SCARB2: variants seen among roughly 807,000 people sequenced by gnomAD.
SCARB2 encodes the protein scavenger receptor class B member 2, also known as lysosome membrane protein 2.
A neutral mutation model predicts 58.6 loss-of-function variants in SCARB2; 29 were observed. That is an observed-to-expected ratio of 0.49 (90% CI 0.37 to 0.67). SCARB2 has a LOEUF of 0.67. SCARB2 is among the 30% of genes least tolerant of loss of function. The probability of loss-of-function intolerance (pLI) is 0.00; values close to 1 mark genes in which losing one functional copy is unlikely to be tolerated. For missense variants in SCARB2, 488 were observed against 578.5 expected (o/e 0.84, Z 1.60); for synonymous variants, 195 against 210.1 (o/e 0.93, Z 0.62).
At chr4:76,196,677 G>A (rs1278592163) in intron 1 of SCARB2, among the ~76,000 whole-genome samples, 1 of 152,140 alleles carries the variant, frequency 6.6e-6, no homozygotes, top group African/African-American at 2.4e-5. Flanking sequence ...GGCTTTAAAT[G>A]TATTTTCTTA....
In SCARB2 at chr4:76,159,309, T is replaced by G. The variant is rs1314310724; in HGVS notation, c.*2404A>C. The G allele has an allele frequency of 6.6e-6, 1 of 152,242 alleles. No homozygotes were observed. Among genetic ancestry groups the G allele is most frequent in the Non-Finnish European group, 1.5e-5 (1 of 68,046 alleles). The allele number at this position is 152,242 out of a possible 1,614,324, so 9.4% of individuals were successfully genotyped here. ...GCATGAGAAATAATTCATCTTCAAC[T>G]TAAAGCCAAATAGGTGCATTCATTC... On this transcript the variant is annotated 3_prime_UTR_variant, in exon 12 of 12. Transcript: ENST00000264896.
At chr4:76,234,446 A>G (rs975517920) in exon 1 of SCARB2, 3 of 152,222 alleles carry the variant, frequency 2.0e-5, no homozygotes, top group Admixed American at 1.3e-4. Flanking sequence ...TACTGGGTGA[A>G]AAGGAAGAAA....
chr4:76,187,805 A>G (rs1486387582), intron 2 of SCARB2, among the ~76,000 whole-genome samples: 3 of 152,108 alleles, frequency 2.0e-5, no homozygotes, highest in African/African-American at 7.2e-5. Context: ...GATTATATAT[A>G]TGGAACACAT....
chr4:76,204,419 T>G (rs1189742780), intron 1 of SCARB2, among the ~76,000 whole-genome samples: 1 of 152,312 alleles, frequency 6.6e-6, no homozygotes, highest in African/African-American at 2.4e-5. Context: ...CAAATGTAGC[T>G]CATGGGTGAA....
At chr4:76,168,258 T>G (rs1732056154) in intron 9 of SCARB2, 145 bp downstream of exon 9, 2 of 728,260 alleles carry the variant, frequency 2.7e-6, no homozygotes, top group Non-Finnish European at 5.0e-6. Flanking sequence ...AAGGCACCCA[T>G]GAAAATGCTG....
At chr4:76,201,108 G>A (rs1265312377) in intron 1 of SCARB2, among the ~76,000 whole-genome samples, 3 of 152,090 alleles carry the variant, frequency 2.0e-5, no homozygotes, top group African/African-American at 7.2e-5. Flanking sequence ...CCAGTAACAC[G>A]CAACCATCTA....
chr4:76,166,123 G>A (rs1732003726), intron 10 of SCARB2, 127 bp downstream of exon 10: 7 of 916,892 alleles, frequency 7.6e-6, no homozygotes, highest in Middle Eastern at 2.3e-4. Flanking sequence ...AATTTTCTGA[G>A]GAATAACAGG....
At position 76,208,823 on chromosome 4, in the gene SCARB2, T is replaced by C. The variant is rs113141442; in HGVS notation, c.117+4604A>G. ...AGCCAAGAAGCGGGATACATTGTGG[T>C]CTGTAAGGACAATGTAGCATGAGAG... On this transcript the variant is annotated intron_variant, in intron 1 of 11. Coordinates refer to ENST00000264896, the MANE Select transcript of SCARB2 (RefSeq NM_005506.4). Among the ~76,000 whole-genome samples, 1,381 of 152,252 alleles carry C rather than the reference T, an allele frequency of 9.1e-3. 15 individuals carry two copies. Among genetic ancestry groups the C allele is most frequent in the African/African-American group, 0.031 (1,308 of 41,538 alleles).
intron 2 of SCARB2, among the ~76,000 whole-genome samples, chr4:76,186,108 T>C (rs895702581): frequency 2.0e-5 from 3 of 152,158 alleles, no homozygotes; most frequent in African/African-American, 7.2e-5. Flanking sequence ...CATGGGAGAC[T>C]GCCTTCAGAG....
At chr4:76,218,039 C>T (rs150424004), upstream of SCARB2, among the ~76,000 whole-genome samples, 2 of 152,258 alleles carry the variant, frequency 1.3e-5, no homozygotes, top group East Asian at 1.9e-4. Flanking sequence ...ATTTAAAATA[C>T]ACCACAGGCC....
At chr4:76,211,564 C>T (rs1227448817) in intron 1 of SCARB2, among the ~76,000 whole-genome samples, 1 of 152,170 alleles carries the variant, frequency 6.6e-6, no homozygotes, top group Non-Finnish European at 1.5e-5. Flanking sequence ...ATCGTTAGTC[C>T]TTATTATCCC....
At chr4:76,165,253 G>A (rs142106122) in intron 10 of SCARB2, 2 of 152,262 alleles carry the variant, frequency 1.3e-5, no homozygotes, top group East Asian at 1.9e-4. Flanking sequence ...CCTATGAAAC[G>A]ATAAAAACCT....
At chr4:76,187,976 C>A (rs1420539604) in intron 2 of SCARB2, among the ~76,000 whole-genome samples, 1 of 151,990 alleles carries the variant, frequency 6.6e-6, no homozygotes, top group Non-Finnish European at 1.5e-5. Context: ...TTAAATAATA[C>A]AAGCCTAAAA....
intron 2 of SCARB2, among the ~76,000 whole-genome samples, chr4:76,182,719 T>C (rs987716021): frequency 6.6e-6 from 1 of 152,226 alleles, no homozygotes; most frequent in Non-Finnish European, 1.5e-5. Flanking sequence ...GAAATTATCA[T>C]GTAGCCTCAG....
At chr4:76,185,342 A>G (rs1023379960) in intron 2 of SCARB2, among the ~76,000 whole-genome samples, 6 of 152,228 alleles carry the variant, frequency 3.9e-5, no homozygotes, top group Non-Finnish European at 5.9e-5. Context: ...GAAGAGTTTG[A>G]AAAAACAAAA....
At chr4:76,179,777 C>T (rs1177289356) in intron 3 of SCARB2, 72 bp from the exon 4 acceptor site, 6 of 1,150,252 alleles carry the variant, frequency 5.2e-6, no homozygotes, top group Middle Eastern at 2.3e-4. Context: ...TCCTACTACC[C>T]CATAGCAAAG....
intron 11 of SCARB2, 29 bp from the exon 12 acceptor site, chr4:76,161,780 A>G (rs1560702608): frequency 3.7e-6 from 6 of 1,613,396 alleles, no homozygotes; most frequent in Non-Finnish European, 5.1e-6. Flanking sequence ...AAAACAAGTT[A>G]GATGTTCATG....
At chr4:76,179,739 C>A in intron 3 of SCARB2, 34 bp from the exon 4 acceptor site, 1 of 1,548,768 alleles carries the variant, frequency 6.5e-7, no homozygotes, top group Non-Finnish European at 8.9e-7. Flanking sequence ...ACAGCAGCAT[C>A]CCCTCCAAAG....
At chr4:76,217,800 A>T (rs1173781540), upstream of SCARB2, 2 of 406,572 alleles carry the variant, frequency 4.9e-6, no homozygotes, top group African/African-American at 4.1e-5. Flanking sequence ...TTATCTGAGA[A>T]GAACAAGTAC....
Sources: allele counts gnomAD v4.1 joint callset (sites outside exome capture counted in the v4.1 genomes callset), GRCh38; gene constraint gnomAD v4.1.1; transcripts MANE v1.5; gene names NCBI Gene and HGNC (gene_info 2026-07-23, HGNC 2026-07-21).